The following SLC6A18 variants were observed in gnomAD, a reference collection of about 807,000 sequenced individuals.
SLC6A18 encodes inactive sodium-dependent neutral amino acid transporter B(0)AT3.
A neutral mutation model predicts 62.9 loss-of-function variants in SLC6A18; 58 were observed. That is an observed-to-expected ratio of 0.92 (90% CI 0.75 to 1.15). The LOEUF is 1.15. SLC6A18 is among the 50% of genes most tolerant of loss of function. SLC6A18 has a pLI of 0.00. For synonymous variants in SLC6A18, 382 were observed against 365.8 expected, an observed-to-expected ratio of 1.04 and a Z score of -0.51; for missense variants, 793 against 836.6, an observed-to-expected ratio of 0.95 and a Z score of 0.64.
chr5:1,233,794 T>G lies in SLC6A18; in HGVS notation c.439+906T>G, dbSNP rs563445115. On this transcript the variant is annotated intron_variant, in intron 3 of 11. Transcript: ENST00000324642. The stretch of plus-strand genomic sequence containing the variant: ...TCTTGCTCTGTCGCCCAGGCTGGAG[T>G]GCAGTGGTGCTATCTTGGCTCACTG... 6.0e-5 allele frequency among the ~76,000 whole-genome samples: 9 copies of G among 149,742 alleles called. No individual in the cohort carries two copies. The South Asian group carries it at 1.3e-3, about 21-fold the overall frequency.
chr5:1,240,673 C>T lies in SLC6A18; in HGVS notation c.974+14C>T, dbSNP rs751741482. On this transcript the variant is annotated intron_variant, in intron 7 of 11. Coordinates refer to ENST00000324642, the MANE Select transcript of SLC6A18 (RefSeq NM_182632.3). ...CTGCCTGGACAGGTGAGCACAGGTG[C>T]CGCGCCTGGCTCTGTGGGGCACAGC... 3.7e-6 allele frequency: 6 copies of T among 1,612,850 alleles called. 1 individual carries two copies. The South Asian group carries it at 6.6e-5, about 18-fold the overall frequency.
chr5:1,237,439 GC>G (rs1255617224), intron 4 of SLC6A18, among the ~76,000 whole-genome samples: 1 of 152,088 alleles, frequency 6.6e-6, no homozygotes, highest in Non-Finnish European at 1.5e-5. Flanking sequence ...GGTAGGTGCA[GC>G]CAGGTGGGGG....
chr5:1,237,878 G>C, intron 4 of SLC6A18, 72 bp from the exon 5 acceptor site: 1 of 1,232,084 alleles, frequency 8.1e-7, no homozygotes, highest in African/African-American at 1.5e-5. Flanking sequence ...TCTGGAGCCT[G>C]CCTGCTTCTC....
chr5:1,225,583 G>A lies in SLC6A18; in HGVS notation c.106G>A (p.Val36Met), dbSNP rs574087177. 8 of 1,610,230 alleles carry A rather than the reference G, an allele frequency of 5.0e-6. No homozygotes were observed. Among genetic ancestry groups the A allele is most frequent in the South Asian group, 3.3e-5 (3 of 90,602 alleles). The change falls in exon 1 of 12, where the codon GTG (valine) becomes ATG (methionine). Residue 36 changes from valine (V) to methionine (M), a missense_variant. Transcript: ENST00000324642. ...CCTCCTGAGCTGCACTGGGTTTGCC[G>A]TGGGACTGGGGAACATTTGGCGGTT... ...QYLLSCTGFAVGLGNIWRFPY... is the reference protein window; with the variant it reads ...QYLLSCTGFAMGLGNIWRFPY...
intron 5 of SLC6A18, among the ~76,000 whole-genome samples, chr5:1,238,558 AGCTTGGG>A (rs1561178951): frequency 0.013 from 305 of 24,222 alleles, no homozygotes; most frequent in Non-Finnish European, 0.016. Context: ...GTTTGGAGTG[AGCTTGGG>A]GCCTCAGGAA....
rs905596988 is a variant in SLC6A18, at chr5:1,244,302, C to G, written c.1425C>G (p.Ala475=). The change falls in exon 10 of 12, where the codon GCC becomes GCG. Residue 475 remains alanine (A), a synonymous_variant. Coordinates refer to ENST00000324642, the MANE Select transcript of SLC6A18 (RefSeq NM_182632.3). ...NYWLEIFDNF[A]ASPNLLMLAF... ...GGCTGGAGATTTTCGACAATTTTGC[C>G]GCTTCCCCGAACCTGCTCATGTTGG... 6.2e-7 allele frequency: 1 copy of G among 1,614,046 alleles called. No individual in the cohort carries two copies.
rs542707258 is a variant in SLC6A18, at chr5:1,227,516, G to A, written c.160+1879G>A. On this transcript the variant is annotated intron_variant, in intron 1 of 11. Coordinates refer to ENST00000324642, the MANE Select transcript of SLC6A18 (RefSeq NM_182632.3). ...GTGAACATGCCCTTCACTTTGTCTC[G>A]CTGTGAGGATCACTCATTGATGATT... is the stretch of plus-strand genomic sequence containing the variant. Among the ~76,000 whole-genome samples the A allele has an allele frequency of 2.2e-4, 34 of 152,318 alleles. 1 individual carries two copies. The highest frequency in any genetic ancestry group is 7.2e-4 in the African/African-American group (30 of 41,562).
At chr5:1,226,266 C>T (rs947904561) in intron 1 of SLC6A18, among the ~76,000 whole-genome samples, 1 of 152,230 alleles carries the variant, frequency 6.6e-6, no homozygotes, top group African/African-American at 2.4e-5. Flanking sequence ...CTCCCCTCAC[C>T]CTGTGCCTGC....
Position 1,232,264 on chromosome 5 carries a change from T to G in SLC6A18, c.206T>G (p.Ile69Ser), listed in dbSNP as rs944144704. The G allele has an allele frequency of 1.9e-6, 3 of 1,612,868 alleles. No individual in the cohort carries two copies. Among genetic ancestry groups the G allele is most frequent in the Non-Finnish European group, 2.5e-6 (3 of 1,179,882 alleles). Residue 69 changes from isoleucine (I) to serine (S), a missense_variant, in exon 2 of 12, where the codon ATC becomes AGC. Physicochemically the swap from Ile to Ser is moderately radical, Grantham distance 142. Coordinates refer to ENST00000324642, the MANE Select transcript of SLC6A18 (RefSeq NM_182632.3). ...GTCATCGCGCTGGTCTTCGAGGGGA[T>G]CCCCATTTTCCACGTCGAGCTCGCC... is the stretch of plus-strand genomic sequence containing the variant. ...PYVIALVFEG[I>S]PIFHVELAIG... is the part of the protein sequence containing the mutation.
rs1747053698 is a variant in SLC6A18 at position 1,241,274 on chromosome 5, G to A, written c.974+615G>A. ...CCAACTTGCTTGTGAACTACCTTCA[G>A]GTGGGTCCTTGAGAACCCACTGGGC... On this transcript the variant is annotated intron_variant, in intron 7 of 11. Transcript: ENST00000324642. The surrounding 1 kb of genome is among the most constrained non-coding windows in gnomAD (Gnocchi z 7.8). Among the ~76,000 whole-genome samples, 1 of 152,198 alleles carries A rather than the reference G, an allele frequency of 6.6e-6. No individual in the cohort carries two copies. Among genetic ancestry groups the A allele is most frequent in the South Asian group, 2.1e-4 (1 of 4,826 alleles).
chr5:1,229,748 CG>C (rs1235416713), intron 1 of SLC6A18, among the ~76,000 whole-genome samples: 1 of 137,948 alleles, frequency 7.2e-6, no homozygotes, highest in African/African-American at 2.7e-5. Context: ...GGCTGGAGGT[CG>C]GGGGGAAGAA....
intron 5 of SLC6A18, 101 bp downstream of exon 5, chr5:1,238,161 G>GC: frequency 1.1e-6 from 1 of 933,928 alleles, no homozygotes; most frequent in African/African-American, 1.6e-5. Flanking sequence ...GAGGCCAGGA[G>GC]CCACTCCAGC....
At chr5:1,233,800 G>GGC (rs1746802833) in intron 3 of SLC6A18, among the ~76,000 whole-genome samples, 7 of 151,370 alleles carry the variant, frequency 4.6e-5, no homozygotes, top group Non-Finnish European at 5.9e-5. Context: ...GGAGTGCAGT[G>GGC]GTGCTATCTT....
Position 1,240,614 on chromosome 5 carries a change from TCCTGGGGTTCAAAGCAA to T in SLC6A18, c.931_947del (p.Leu311Ter). 6.2e-7 allele frequency: 1 copy of T among 1,614,144 alleles called. No homozygotes were observed. Among genetic ancestry groups the T allele is most frequent in the Non-Finnish European group, 8.5e-7 (1 of 1,180,014 alleles). ...TACGCGTCCATCGCTGTCTTCTCTG[TCCTGGGGTTCAAAGCAA>T]CTAATGACTACGAGCACTGCCTGGA... On this transcript the variant is annotated frameshift_variant, in exon 7 of 12. Coordinates refer to ENST00000324642, the MANE Select transcript of SLC6A18 (RefSeq NM_182632.3). LOFTEE classifies it high-confidence loss of function.
intron 9 of SLC6A18, 45 bp from the exon 10 acceptor site, chr5:1,244,169 A>AACC: frequency 8.3e-6 from 5 of 602,378 alleles, no homozygotes; most frequent in Middle Eastern, 5.1e-4. Flanking sequence ...CCACACCTCC[A>AACC]CTCCCCATCC....
rs1323296844 is a variant in SLC6A18 at position 1,241,402 on chromosome 5, G to A, written c.974+743G>A. On this transcript the variant is annotated intron_variant, in intron 7 of 11. Transcript: ENST00000324642. The surrounding 1 kb of genome is among the most constrained non-coding windows in gnomAD (Gnocchi z 7.8). ...TTGGCCACACTTGTGTGAGGGGTGT[G>A]CCTGGCATCCAGTGGGTGGAGGCCG... Among the ~76,000 whole-genome samples, 1 of 152,204 alleles carries A rather than the reference G, an allele frequency of 6.6e-6. No individual in the cohort carries two copies.
Position 1,235,543 on chromosome 5 carries a change from A to T in SLC6A18, c.502A>T (p.Asn168Tyr). The T allele has an allele frequency of 6.2e-7, 1 of 1,614,050 alleles. No homozygotes were observed. The highest frequency in any genetic ancestry group is 1.1e-5 in the South Asian group (1 of 91,084). The stretch of plus-strand genomic sequence containing the variant: ...CTACTTCTGGTACCGGCAGACACTG[A>T]ACATCACAGCCGACATCAATGACAG... ...VSYFWYRQTL[N>Y]ITADINDSGS... Residue 168 changes from asparagine (N) to tyrosine (Y), a missense_variant, in exon 4 of 12, where the codon AAC becomes TAC. Physicochemically the swap from Asn to Tyr is moderately radical, Grantham distance 143 (BLOSUM62 -2). Coordinates refer to ENST00000324642, the MANE Select transcript of SLC6A18 (RefSeq NM_182632.3).
chr5:1,246,106 C>T lies in SLC6A18; in HGVS notation c.*28C>T, dbSNP rs1747217279. ...CCGGCCGGAGCGGGGCCTGCATGGG[C>T]GGGTCTGTGGGGGGGCTTGGCCTGA... On this transcript the variant is annotated 3_prime_UTR_variant, in exon 12 of 12. Transcript: ENST00000324642. 1 of 1,421,340 alleles carries T rather than the reference C, an allele frequency of 7.0e-7. No homozygotes were observed. The highest frequency in any genetic ancestry group is 9.3e-7 in the Non-Finnish European group (1 of 1,077,376). The allele number at this position is 1,421,340 out of a possible 1,614,324, so 88.0% of individuals were successfully genotyped here. A position where few individuals can be genotyped will look rare whatever the true frequency, so the allele number is the denominator to read the frequency against.
At chr5:1,232,454 AC>A in intron 2 of SLC6A18, 95 bp downstream of exon 2, 1 of 1,490,410 alleles carries the variant, frequency 6.7e-7, no homozygotes, top group African/African-American at 1.4e-5. Context: ...TGCCTGTGGT[AC>A]GGAAGCGGCC....
Sources: allele counts gnomAD v4.1 joint callset (sites outside exome capture counted in the v4.1 genomes callset), GRCh38; gene constraint gnomAD v4.1.1; non-coding constraint Gnocchi (gnomAD v3.1); transcripts MANE v1.5; gene names NCBI Gene and HGNC (gene_info 2026-07-23, HGNC 2026-07-21).